MAGI1: variants seen among roughly 807,000 people sequenced by gnomAD.
The protein encoded by MAGI1 is membrane associated guanylate kinase, WW and PDZ domain containing 1.
Under a neutral mutation model 139.9 loss-of-function variants are expected in MAGI1, and 58 were observed. That is an observed-to-expected ratio of 0.41 (90% CI 0.34 to 0.52). The LOEUF (loss-of-function observed/expected upper bound fraction) is 0.52, where lower values mean the gene tolerates loss of function less well. Among genes scored for constraint, MAGI1 ranks in the 20% least tolerant of loss-of-function variants. MAGI1 has a pLI of 0.12. For synonymous variants in MAGI1, 812 were observed against 737.9 expected (o/e 1.10, Z -1.63); for missense variants, 1,874 against 1,901.6 (o/e 0.99, Z 0.27).
intron 2 of MAGI1, among the ~76,000 whole-genome samples, chr3:65,506,989 T>C (rs911380253): frequency 6.6e-6 from 1 of 152,198 alleles, no homozygotes; most frequent in South Asian, 2.1e-4. Context: ...GTCACGAACA[T>C]GTAAATTTTA....
chr3:65,864,566 CT>C (rs1232295074), intron 1 of MAGI1, among the ~76,000 whole-genome samples: 1 of 152,232 alleles, frequency 6.6e-6, no homozygotes, highest in Admixed American at 6.5e-5. Flanking sequence ...ACATCCAGCC[CT>C]GCACAGCTGC....
intron 1 of MAGI1, among the ~76,000 whole-genome samples, chr3:65,734,608 G>A (rs927297210): frequency 6.6e-6 from 1 of 151,290 alleles, no homozygotes; most frequent in Admixed American, 6.6e-5. Context: ...AAACTGTCTT[G>A]TCTACATAAC....
At chr3:65,723,756 T>A (rs1300282240) in intron 1 of MAGI1, among the ~76,000 whole-genome samples, 1 of 152,228 alleles carries the variant, frequency 6.6e-6, no homozygotes, top group African/African-American at 2.4e-5. Context: ...ACTTTTGACA[T>A]GTAAAAATGC....
At chr3:65,477,785 T>A (rs1023396782) in intron 4 of MAGI1, among the ~76,000 whole-genome samples, 1 of 150,980 alleles carries the variant, frequency 6.6e-6, no homozygotes, top group Non-Finnish European at 1.5e-5. Flanking sequence ...AGTGGTGCAA[T>A]CTCGGCTCAC....
intron 1 of MAGI1, among the ~76,000 whole-genome samples, chr3:65,779,337 G>C (rs923462978): frequency 6.6e-6 from 1 of 152,166 alleles, no homozygotes; most frequent in African/African-American, 2.4e-5. Flanking sequence ...ACACAAGCAA[G>C]TCCCAAATTT....
At chr3:65,818,249 T>C (rs553325137) in intron 1 of MAGI1, among the ~76,000 whole-genome samples, 2 of 152,332 alleles carry the variant, frequency 1.3e-5, no homozygotes, top group South Asian at 4.1e-4. Flanking sequence ...TGTGCTATTT[T>C]GGTTAGTTTC....
chr3:65,617,230 C>T (rs1185008017), intron 2 of MAGI1, among the ~76,000 whole-genome samples: 1 of 152,150 alleles, frequency 6.6e-6, no homozygotes, highest in Non-Finnish European at 1.5e-5. Context: ...TGTTAAGCTG[C>T]AGAACAAAAC....
At chr3:65,691,368 C>G (rs921230059) in intron 1 of MAGI1, among the ~76,000 whole-genome samples, 3 of 151,446 alleles carry the variant, frequency 2.0e-5, no homozygotes, top group Admixed American at 6.6e-5. Flanking sequence ...GCAAAGTCTG[C>G]ATACCACAGC....
chr3:65,759,321 C>T (rs1319022041), intron 1 of MAGI1, among the ~76,000 whole-genome samples: 1 of 152,254 alleles, frequency 6.6e-6, no homozygotes, highest in East Asian at 1.9e-4. Flanking sequence ...CGCCTAAGTG[C>T]CAGTCTCCTT....
intron 1 of MAGI1, among the ~76,000 whole-genome samples, chr3:66,035,570 T>C (rs866319517): frequency 1.3e-5 from 2 of 152,332 alleles, no homozygotes; most frequent in South Asian, 4.1e-4. Flanking sequence ...AAGATCCAAC[T>C]GTGCCTGTGT....
chr3:65,602,327 AT>A (rs2082519985), intron 2 of MAGI1, among the ~76,000 whole-genome samples: 1 of 152,224 alleles, frequency 6.6e-6, no homozygotes, highest in Non-Finnish European at 1.5e-5. Context: ...TGATGAATGA[AT>A]AAAATGTGGC....
intron 2 of MAGI1, among the ~76,000 whole-genome samples, chr3:65,502,898 T>C (rs1458702330): frequency 6.6e-6 from 1 of 152,086 alleles, no homozygotes; most frequent in Non-Finnish European, 1.5e-5. Flanking sequence ...CTATGGCTCA[T>C]ACTACTTTGG....
intron 1 of MAGI1, among the ~76,000 whole-genome samples, chr3:65,771,775 C>T (rs192958211): frequency 6.6e-6 from 1 of 152,262 alleles, no homozygotes; most frequent in East Asian, 1.9e-4. Flanking sequence ...CAGCCTAACC[C>T]AGGAATCCCC....
intron 2 of MAGI1, among the ~76,000 whole-genome samples, chr3:65,573,311 T>G (rs1407699735): frequency 1.3e-5 from 2 of 152,070 alleles, no homozygotes; most frequent in East Asian, 1.9e-4. Flanking sequence ...AAATAAAAAT[T>G]TAACCAATCA....
intron 1 of MAGI1, among the ~76,000 whole-genome samples, chr3:65,654,403 G>A (rs1464837436): frequency 2.0e-5 from 3 of 152,308 alleles, no homozygotes; most frequent in African/African-American, 7.2e-5. Flanking sequence ...GAATATTAGT[G>A]CCTGTGTGCC....
chr3:65,982,444 C>A (rs2065635319), intron 1 of MAGI1, among the ~76,000 whole-genome samples: 1 of 152,200 alleles, frequency 6.6e-6, no homozygotes, highest in South Asian at 2.1e-4. Context: ...GCCATCCACC[C>A]TGAGCAGAAG....
chr3:65,966,909 A>C (rs1352273017), intron 1 of MAGI1, among the ~76,000 whole-genome samples: 1 of 152,198 alleles, frequency 6.6e-6, no homozygotes, highest in African/African-American at 2.4e-5. Flanking sequence ...TCATATACCA[A>C]ATGGTTAATA....
chr3:65,560,247 A>G (rs1220947242), intron 2 of MAGI1, among the ~76,000 whole-genome samples: 1 of 152,224 alleles, frequency 6.6e-6, no homozygotes, highest in Non-Finnish European at 1.5e-5. Context: ...CTGCCGCTAA[A>G]TCAGCCTGTT....
chr3:65,785,768 T>A (rs1341433215), intron 1 of MAGI1, among the ~76,000 whole-genome samples: 1 of 152,146 alleles, frequency 6.6e-6, no homozygotes, highest in Non-Finnish European at 1.5e-5. Context: ...TTCACCTACC[T>A]TGGAGACTAC....
Sources: allele counts gnomAD v4.1 joint callset (sites outside exome capture counted in the v4.1 genomes callset), GRCh38; gene constraint gnomAD v4.1.1; transcripts MANE v1.5; gene names NCBI Gene and HGNC (gene_info 2026-07-23, HGNC 2026-07-21).